ANO7: variants seen among roughly 807,000 people sequenced by gnomAD.
ANO7 encodes anoctamin-7.
In ANO7, 114 loss-of-function variants were observed where a neutral mutation model predicts 115.8. The observed-to-expected ratio is 0.98, with a 90% CI of 0.85 to 1.15. ANO7 has a LOEUF of 1.15. ANO7 is among the 50% of genes most tolerant of loss of function. ANO7 has a pLI of 0.00. For missense variants in ANO7, 1,302 were observed against 1,201.2 expected (o/e 1.08, Z -1.24); for synonymous variants, 550 against 498.2 (o/e 1.10, Z -1.38).
rs775089286 is a variant in ANO7 at position 241,212,655 on chromosome 2, G to C, written c.1728+29G>C. On this transcript the variant is annotated intron_variant, in intron 17 of 24. Coordinates refer to ENST00000674324, the MANE Select transcript of ANO7 (RefSeq NM_001370694.2). The stretch of plus-strand genomic sequence containing the variant: ...AGTGTGCCTGAGGCCCGGGACTGGG[G>C]GATGAGCTGTGTGCTTCCTCTCACT... 1.9e-6 allele frequency: 3 copies of C among 1,601,910 alleles called. No individual in the cohort carries two copies. The East Asian group carries it at 6.7e-5, about 36-fold the overall frequency.
chr2:241,188,842 C>T lies in ANO7; in HGVS notation c.-8+76C>T. On this transcript the variant is annotated intron_variant, in intron 1 of 24. Transcript: ENST00000674324. The surrounding 1 kb of genome is among the most constrained non-coding windows in gnomAD (Gnocchi z 4.3). ...GACTCTAGGGAGGCAGGGCGGCACC[C>T]CAGCCCACCGGGACTTTCACACACC... The T allele has an allele frequency of 6.5e-7, 1 of 1,536,722 alleles. No individual in the cohort carries two copies. Among genetic ancestry groups the T allele is most frequent in the Non-Finnish European group, 8.8e-7 (1 of 1,138,460 alleles).
At chr2:241,208,861 G>A (rs574488606) in intron 11 of ANO7, among the ~76,000 whole-genome samples, 1 of 152,366 alleles carries the variant, frequency 6.6e-6, no homozygotes, top group Non-Finnish European at 1.5e-5. Flanking sequence ...CCAAAACACA[G>A]TCAGGGGGCT....
chr2:241,222,035 C>T (rs2069033156), intron 21 of ANO7, among the ~76,000 whole-genome samples: 1 of 151,924 alleles, frequency 6.6e-6, no homozygotes, highest in Non-Finnish European at 1.5e-5. Context: ...AAGATTGAGA[C>T]CATCCTGGCT....
chr2:241,218,791 T>C (rs1278110061), intron 21 of ANO7, among the ~76,000 whole-genome samples: 2 of 152,210 alleles, frequency 1.3e-5, no homozygotes, highest in Admixed American at 6.5e-5. Context: ...TCTAAGGGTC[T>C]ACGTGAAAGA....
chr2:241,191,677 A>G (rs2068206501), intron 3 of ANO7, among the ~76,000 whole-genome samples: 1 of 151,984 alleles, frequency 6.6e-6, no homozygotes, highest in African/African-American at 2.4e-5. Flanking sequence ...AGGGGATTGC[A>G]CCAGCACCAG....
downstream of ANO7, chr2:241,227,768 G>A (rs1336865127): frequency 2.6e-5 from 4 of 152,516 alleles, no homozygotes; most frequent in Non-Finnish European, 5.9e-5. Context: ...GAAGCAAGCA[G>A]CCAACAGGAC....
chr2:241,237,698 C>T, the ANO7 span, among the ~76,000 whole-genome samples: 1 of 150,708 alleles, frequency 6.6e-6, no homozygotes, highest in South Asian at 2.1e-4. Flanking sequence ...AATAAAGGGA[C>T]ATGTCTAAAA....
the ANO7 span, among the ~76,000 whole-genome samples, chr2:241,233,639 A>G: frequency 6.6e-6 from 1 of 152,052 alleles, no homozygotes; most frequent in Middle Eastern, 3.2e-3. This position sits in a 1 kb window ranked among gnomAD's most constrained non-coding sequence, Gnocchi z 4.3. Context: ...CAGAGACCTC[A>G]CCCATCTGGC....
chr2:241,218,203 C>G (rs769417028), intron 20 of ANO7, 36 bp from the exon 21 acceptor site: 1 of 1,323,490 alleles, frequency 7.6e-7, no homozygotes, highest in East Asian at 3.6e-5. Context: ...AGGGGCGGAG[C>G]GGGGGCCGCC....
chr2:241,189,479 T>A (rs1202920897), intron 1 of ANO7, among the ~76,000 whole-genome samples: 1 of 151,824 alleles, frequency 6.6e-6, no homozygotes, highest in Non-Finnish European at 1.5e-5. Context: ...ACGGCACCTG[T>A]CCTCCCACAG....
chr2:241,203,130 C>T lies in ANO7; in HGVS notation c.724-203C>T, dbSNP rs1268587431. ...CGAAGTCCAGGAGTCAGAGGGGCCTCACCACATATGTCCCCTCCTCAGAGA... is the reference window on the plus strand; with the variant it reads ...CGAAGTCCAGGAGTCAGAGGGGCCTTACCACATATGTCCCCTCCTCAGAGA... On this transcript the variant is annotated intron_variant, in intron 8 of 24. Coordinates refer to ENST00000674324, the MANE Select transcript of ANO7 (RefSeq NM_001370694.2). This position sits in a 1 kb window ranked among gnomAD's most constrained non-coding sequence, Gnocchi z 4.8. Among the ~76,000 whole-genome samples, 1 of 152,142 alleles carries T rather than the reference C, an allele frequency of 6.6e-6. No individual in the cohort carries two copies. Among genetic ancestry groups the T allele is most frequent in the Non-Finnish European group, 1.5e-5 (1 of 67,996 alleles).
intron 4 of ANO7, among the ~76,000 whole-genome samples, chr2:241,198,550 G>A (rs555450611): frequency 1.4e-4 from 21 of 152,316 alleles, no homozygotes; most frequent in Admixed American, 3.9e-4. Context: ...TCTGCGGTCT[G>A]CAGGACAGTT....
chr2:241,235,864 GGA>G, the ANO7 span, among the ~76,000 whole-genome samples: 1 of 152,200 alleles, frequency 6.6e-6, no homozygotes, highest in Non-Finnish European at 1.5e-5. Flanking sequence ...CCACGTAGGA[GGA>G]GAGGCCCTGA....
chr2:241,212,490 C>A, intron 16 of ANO7, 82 bp from the exon 17 acceptor site: 1 of 1,449,496 alleles, frequency 6.9e-7, no homozygotes. Context: ...TGCAGCAGCT[C>A]TGCTGAGGCC....
chr2:241,217,408 G>C (rs1448320249), intron 19 of ANO7, among the ~76,000 whole-genome samples: 1 of 152,252 alleles, frequency 6.6e-6, no homozygotes, highest in Non-Finnish European at 1.5e-5. Flanking sequence ...CTGCCCCAAC[G>C]CCTGCCCTGA....
At chr2:241,199,265 T>C (rs1405201334) in intron 4 of ANO7, 51 bp from the exon 5 acceptor site, 3 of 1,458,026 alleles carry the variant, frequency 2.1e-6, no homozygotes, top group African/African-American at 2.8e-5. Context: ...CACATGTGCA[T>C]ACGTGCACAC....
chr2:241,201,162 CT>C, intron 6 of ANO7, 135 bp from the exon 7 acceptor site: 1 of 992,936 alleles, frequency 1.0e-6, no homozygotes, highest in Admixed American at 3.0e-5. Flanking sequence ...CAGGCCTGTG[CT>C]TCTGCGTGCG....
intron 1 of ANO7, among the ~76,000 whole-genome samples, 151 bp from the exon 2 acceptor site, chr2:241,189,892 TCCATGTGCTCATGG>T (rs2068149711): frequency 6.6e-6 from 1 of 152,122 alleles, no homozygotes; most frequent in Non-Finnish European, 1.5e-5. Flanking sequence ...TAGGGGGTTC[TCCATGTGCTCATGG>T]CCAGGAGAGT....
At chr2:241,193,196 A>T (rs2068244985) in intron 3 of ANO7, among the ~76,000 whole-genome samples, 1 of 151,856 alleles carries the variant, frequency 6.6e-6, no homozygotes, top group South Asian at 2.1e-4. Context: ...CAGCCTCCCG[A>T]GTAGCTGGGA....
Sources: allele counts gnomAD v4.1 joint callset (sites outside exome capture counted in the v4.1 genomes callset), GRCh38; gene constraint gnomAD v4.1.1; non-coding constraint Gnocchi (gnomAD v3.1); transcripts MANE v1.5; gene names NCBI Gene and HGNC (gene_info 2026-07-23, HGNC 2026-07-21).